Variants in PALLD observed in about 807,000 individuals in gnomAD.
The protein encoded by PALLD is palladin, cytoskeletal associated protein, also known as palladin.
In PALLD, 61 loss-of-function variants were observed where a neutral mutation model predicts 123.5. That is an observed-to-expected ratio of 0.49 (90% CI 0.40 to 0.61). The LOEUF (loss-of-function observed/expected upper bound fraction) is 0.61, where lower values mean the gene tolerates loss of function less well. Among genes scored for constraint, PALLD ranks in the 20% least tolerant of loss-of-function variants. The probability of loss-of-function intolerance (pLI) is 0.00; values close to 1 mark genes in which losing one functional copy is unlikely to be tolerated. For synonymous variants in PALLD, 465 were observed against 496.4 expected, an observed-to-expected ratio of 0.94 and a Z score of 0.84; for missense variants, 1,273 against 1,377.0, an observed-to-expected ratio of 0.92 and a Z score of 1.20.
intron 11 of PALLD, among the ~76,000 whole-genome samples, chr4:168,893,749 G>A (rs182795403): frequency 1.3e-5 from 2 of 152,196 alleles, no homozygotes; most frequent in African/African-American, 2.4e-5. Flanking sequence ...CAAAAATGCC[G>A]GCATTTCTTA....
At chr4:168,597,963 CATGT>C (rs1483119436) in intron 2 of PALLD, among the ~76,000 whole-genome samples, 10 of 152,004 alleles carry the variant, frequency 6.6e-5, no homozygotes, top group Non-Finnish European at 1.3e-4. Flanking sequence ...TCATCATTTT[CATGT>C]ATTTATATGA....
intron 10 of PALLD, among the ~76,000 whole-genome samples, chr4:168,759,202 AATAT>A (rs147474708): frequency 0.017 from 377 of 21,862 alleles, 1 homozygote; most frequent in East Asian, 0.036. Context: ...AAAAAAAAAA[AATAT>A]ATATATATAT....
intron 13 of PALLD, among the ~76,000 whole-genome samples, 176 bp downstream of exon 13, chr4:168,896,775 T>C (rs924287740): frequency 6.6e-6 from 1 of 152,200 alleles, no homozygotes; most frequent in African/African-American, 2.4e-5. Flanking sequence ...TGAGTTTTCT[T>C]GTCATGTATT....
chr4:168,759,927 G>A (rs1388125564), intron 10 of PALLD, among the ~76,000 whole-genome samples: 10 of 151,902 alleles, frequency 6.6e-5, no homozygotes, highest in Admixed American at 2.0e-4. Flanking sequence ...GGTGGCTCAC[G>A]CCTGTAATCC....
At chr4:168,525,824 A>G (rs1339776915) in intron 2 of PALLD, among the ~76,000 whole-genome samples, 6 of 152,226 alleles carry the variant, frequency 3.9e-5, no homozygotes, top group Admixed American at 6.5e-5. Flanking sequence ...TAATAGGCCA[A>G]TGCAGGTAAA....
chr4:168,713,453 T>C (rs936854556), intron 10 of PALLD, among the ~76,000 whole-genome samples: 6 of 152,236 alleles, frequency 3.9e-5, no homozygotes, highest in Non-Finnish European at 2.9e-5. Flanking sequence ...AGGACTTGAC[T>C]GTGGTCTTGA....
chr4:168,903,966 A>T (rs1422324454), intron 15 of PALLD, 60 bp downstream of exon 15: 2 of 1,448,410 alleles, frequency 1.4e-6, no homozygotes, highest in East Asian at 4.5e-5. Context: ...GCATTTGATT[A>T]GACAAAGGAA....
intron 10 of PALLD, among the ~76,000 whole-genome samples, chr4:168,766,514 G>A (rs893942931): frequency 2.0e-5 from 3 of 152,216 alleles, no homozygotes; most frequent in Admixed American, 6.5e-5. Flanking sequence ...TTCCCTGGGA[G>A]CACCCAAGGC....
intron 12 of PALLD, among the ~76,000 whole-genome samples, chr4:168,895,400 A>G (rs1754902610): frequency 6.6e-6 from 1 of 152,148 alleles, no homozygotes; most frequent in African/African-American, 2.4e-5. Flanking sequence ...ACAAAACTAA[A>G]AACACATATA....
chr4:168,915,923 G>A lies in PALLD; in HGVS notation c.2746G>A (p.Asp916Asn). Residue 916 changes from aspartate to asparagine, a missense_variant, in exon 17 of 22, where the codon GAC becomes AAC. Around this residue, in one of 2 missense-constraint regions of PALLD, gnomAD observed 329 missense variants for 422.5 expected, o/e 0.78. Transcript: ENST00000505667. ...RPRSRSRDSGDENEPIQERFF... is the reference protein window; with the variant it reads ...RPRSRSRDSGNENEPIQERFF... Reference sequence around the variant, plus strand: ...TCGTTCTAGATCAAGGGACAGTGGAGACGAAAATGAACCAATTCAGGAGCG... The same window carrying A: ...TCGTTCTAGATCAAGGGACAGTGGAAACGAAAATGAACCAATTCAGGAGCG... The A allele has an allele frequency of 6.2e-7, 1 of 1,613,186 alleles. No individual in the cohort carries two copies. The highest frequency in any genetic ancestry group is 1.1e-5 in the South Asian group (1 of 91,070).
chr4:168,876,625 C>T (rs185952948), intron 10 of PALLD, among the ~76,000 whole-genome samples: 67 of 152,330 alleles, frequency 4.4e-4, no homozygotes, highest in Middle Eastern at 6.8e-3. Flanking sequence ...GCTCATGATA[C>T]TTGAGAAAAG....
At chr4:168,605,929 T>A (rs1773118548) in intron 2 of PALLD, among the ~76,000 whole-genome samples, 1 of 146,968 alleles carries the variant, frequency 6.8e-6, no homozygotes, top group Non-Finnish European at 1.5e-5. Context: ...TTTTTAAGAG[T>A]TTGCCCAATT....
rs545784574 is a variant in PALLD at position 168,635,334 on chromosome 4, C to T, written c.909-32856C>T. On this transcript the variant is annotated intron_variant, in intron 2 of 21. Coordinates refer to ENST00000505667, the MANE Select transcript of PALLD (RefSeq NM_001166108.2). ...GAGACCAGGGGCTCCTTCTCATTAG[C>T]GGTCCATGGGAACACATAACACTTG... is the stretch of plus-strand genomic sequence containing the variant. Among the ~76,000 whole-genome samples the T allele has an allele frequency of 2.0e-5, 3 of 152,318 alleles. No homozygotes were observed. In the South Asian group the frequency reaches 6.2e-4, roughly 32 times the overall value.
intron 10 of PALLD, among the ~76,000 whole-genome samples, chr4:168,799,785 CATTATATTCTTTTCCCTGAGGCAGAAA>C (rs6148776): frequency 0.13 from 20,001 of 152,226 alleles, 1,642 homozygotes; most frequent in Non-Finnish European, 0.18. Context: ...TTATCTTAAA[CATTATATTCTTTTCCCTGAGGCAGAAA>C]ATGTAAATAA....
chr4:168,899,357 A>G (rs1016086655), intron 14 of PALLD, among the ~76,000 whole-genome samples: 14 of 152,140 alleles, frequency 9.2e-5, no homozygotes, highest in Admixed American at 7.9e-4. Flanking sequence ...CAAGGCAGTA[A>G]ACAGGAGTAC....
chr4:168,532,834 A>G (rs1429989078), intron 2 of PALLD, among the ~76,000 whole-genome samples: 1 of 152,178 alleles, frequency 6.6e-6, no homozygotes, highest in East Asian at 1.9e-4. Context: ...TGAAAGAAAC[A>G]TTAGAAGAAA....
At chr4:168,875,855 G>A (rs775811787) in intron 10 of PALLD, among the ~76,000 whole-genome samples, 2 of 152,240 alleles carry the variant, frequency 1.3e-5, no homozygotes, top group Admixed American at 6.5e-5. Flanking sequence ...TGGCTCTCAA[G>A]AGTCACTCCC....
intron 10 of PALLD, among the ~76,000 whole-genome samples, chr4:168,847,429 T>TA (rs1747029925): frequency 6.6e-6 from 1 of 152,214 alleles, no homozygotes. Context: ...CGTTGAAAGA[T>TA]ACAAGATCAC....
chr4:168,515,088 T>C (rs186554131), intron 2 of PALLD, among the ~76,000 whole-genome samples: 1 of 152,342 alleles, frequency 6.6e-6, no homozygotes, highest in Admixed American at 6.5e-5. Flanking sequence ...GTTTGTATCC[T>C]ATAGAGTTTT....
Sources: gnomAD v4.1 joint callset for allele counts (sites outside exome capture counted in the v4.1 genomes callset) on GRCh38, gnomAD v4.1.1 for gene constraint, gnomAD v4.1.1 regional missense constraint, MANE v1.5 for transcripts, NCBI Gene and HGNC (gene_info 2026-07-23, HGNC 2026-07-21) for gene names.